Variants in XK observed in about 807,000 individuals in gnomAD.
XK encodes X-linked Kx blood group antigen, Kell and VPS13A binding protein.
In XK, 2 loss-of-function variants were observed where a neutral mutation model predicts 14.0. The ratio of observed to expected loss-of-function variants is 0.14; its 90% CI spans 0.06 to 0.45. The LOEUF (loss-of-function observed/expected upper bound fraction) is 0.45. Among genes scored for constraint, XK ranks in the 20% least tolerant of loss-of-function variants. The pLI, the probability that XK is intolerant of heterozygous loss-of-function variation, is 0.98. For missense variants in XK, 235 were observed against 341.5 expected (o/e 0.69, Z 2.46); for synonymous variants, 149 against 147.5 (o/e 1.01, Z -0.08).
intron 1 of XK, among the ~76,000 whole-genome samples, chrX:37,688,731 C>T (rs1309031758): frequency 1.8e-5 from 2 of 111,301 alleles, no homozygotes; most frequent in Admixed American, 1.9e-4. Context: ...ATCATTGCTG[C>T]CATTTAAAGT....
At chrX:37,700,922 A>G (rs1927401285) in intron 2 of XK, among the ~76,000 whole-genome samples, 1 of 110,810 alleles carries the variant, frequency 9.0e-6, no homozygotes, top group African/African-American at 3.3e-5. Flanking sequence ...AAACATAAGG[A>G]AAAAATGCAA....
intron 2 of XK, among the ~76,000 whole-genome samples, chrX:37,699,088 A>G (rs1556443123): frequency 8.9e-6 from 1 of 112,807 alleles, no homozygotes; most frequent in Non-Finnish European, 1.9e-5. Context: ...AAGAGAGTGA[A>G]GAAACAAATG....
chrX:37,724,976 G>C (rs1340662307), intron 2 of XK, among the ~76,000 whole-genome samples: 2 of 111,685 alleles, frequency 1.8e-5, no homozygotes, highest in African/African-American at 6.5e-5. Flanking sequence ...TATTGGAATG[G>C]AATATCATTT....
chrX:37,711,423 T>A (rs1556446692), intron 2 of XK, among the ~76,000 whole-genome samples: 1 of 112,364 alleles, frequency 8.9e-6, no homozygotes, highest in Non-Finnish European at 1.9e-5. Flanking sequence ...TGATGAGAAG[T>A]GTGGGTAAGG....
At chrX:37,705,431 G>A (rs1449492255) in intron 2 of XK, among the ~76,000 whole-genome samples, 2 of 105,336 alleles carry the variant, frequency 1.9e-5, no homozygotes, top group Non-Finnish European at 3.9e-5. Context: ...CAGCCTGGGT[G>A]AAAGAGCGAG....
chrX:37,722,334 C>G (rs1350732214), intron 2 of XK, among the ~76,000 whole-genome samples: 1 of 110,625 alleles, frequency 9.0e-6, no homozygotes, highest in Non-Finnish European at 1.9e-5. Context: ...GATTCATACA[C>G]TAGGGGAAAA....
chrX:37,710,011 A>AG (rs1209396167), intron 2 of XK, among the ~76,000 whole-genome samples: 1 of 112,250 alleles, frequency 8.9e-6, no homozygotes, highest in Non-Finnish European at 1.9e-5. Flanking sequence ...GAAATTCTTA[A>AG]GTGATTTGAG....
At chrX:37,701,212 GA>G in intron 2 of XK, among the ~76,000 whole-genome samples, 1 of 112,356 alleles carries the variant, frequency 8.9e-6, no homozygotes. Flanking sequence ...CGCATTCCCA[GA>G]AAAAATAATC....
At chrX:37,710,219 C>A (rs1927636714) in intron 2 of XK, among the ~76,000 whole-genome samples, 3 of 111,531 alleles carry the variant, frequency 2.7e-5, no homozygotes, top group African/African-American at 9.8e-5. Context: ...AAAACAGAAA[C>A]ACAAAATTTG....
At chrX:37,720,634 T>TAA (rs1927852150) in intron 2 of XK, among the ~76,000 whole-genome samples, 3 of 110,913 alleles carry the variant, frequency 2.7e-5, no homozygotes, top group Non-Finnish European at 5.7e-5. Flanking sequence ...TAATGTACAT[T>TAA]GTACATTAAG....
In XK at chrX:37,730,065, A is replaced by G. The variant is rs1928056279; in HGVS notation, c.*1603A>G. ...ATACATCAATAAGCTCCTAAATTATAGAGCCTCAATTTTGGTTTTTCTCAT... is the reference window on the plus strand; with the variant it reads ...ATACATCAATAAGCTCCTAAATTATGGAGCCTCAATTTTGGTTTTTCTCAT... On this transcript the variant is annotated 3_prime_UTR_variant, in exon 3 of 3. Coordinates refer to ENST00000378616, the MANE Select transcript of XK (RefSeq NM_021083.4). 2 of 111,909 alleles carry G rather than the reference A, an allele frequency of 1.8e-5. No homozygotes were observed. Among genetic ancestry groups the G allele is most frequent in the African/African-American group, 3.2e-5 (1 of 30,837 alleles). The allele number at this position is 111,909 out of a possible 1,213,427, so 9.2% of individuals were successfully genotyped here. A position where few individuals can be genotyped will look rare whatever the true frequency, so the allele number is the denominator to read the frequency against.
intron 2 of XK, 138 bp downstream of exon 2, chrX:37,694,686 C>T: frequency 1.1e-6 from 1 of 941,047 alleles, no homozygotes; most frequent in Non-Finnish European, 1.5e-6. Flanking sequence ...ATGCTCAAAA[C>T]TCAATTAAAA....
chrX:37,703,863 A>G lies in XK; in HGVS notation c.508+9315A>G, dbSNP rs183631967. Among the ~76,000 whole-genome samples the G allele has an allele frequency of 2.0e-3, 222 of 112,559 alleles. 2 individuals carry two copies. Among genetic ancestry groups the G allele is most frequent in the African/African-American group, 6.8e-3 (212 of 31,028 alleles). On this transcript the variant is annotated intron_variant, in intron 2 of 2. Transcript: ENST00000378616. ...TTTCTTGGGAAGCACTCAATAACTC[A>G]CTCCCAAGAATATTCACTTGTGCTT...
intron 2 of XK, among the ~76,000 whole-genome samples, chrX:37,711,096 A>G (rs886280704): frequency 8.9e-6 from 1 of 112,122 alleles, no homozygotes; most frequent in South Asian, 3.7e-4. Flanking sequence ...GTTTAAATCC[A>G]TGGATGTGTT....
chrX:37,712,640 T>C (rs149984024), intron 2 of XK, among the ~76,000 whole-genome samples: 263 of 111,838 alleles, frequency 2.4e-3, no homozygotes, highest in Non-Finnish European at 2.4e-3. Flanking sequence ...TGAGTGTAAG[T>C]TTTTGTTGCA....
chrX:37,724,806 AAAAC>A (rs782796957), intron 2 of XK, among the ~76,000 whole-genome samples: 183 of 111,167 alleles, frequency 1.6e-3, no homozygotes, highest in African/African-American at 5.0e-3. Context: ...CAACAATAAG[AAAAC>A]AAACAATCAA....
At chrX:37,718,082 A>G (rs1364494185) in intron 2 of XK, among the ~76,000 whole-genome samples, 1 of 111,784 alleles carries the variant, frequency 8.9e-6, no homozygotes, top group Non-Finnish European at 1.9e-5. Context: ...ACATATTATT[A>G]TTGAAGTATA....
Position 37,714,590 on chromosome X carries a change from T to C in XK, c.509-13046T>C, listed in dbSNP as rs1306348521. ...TTATGGTGAGAGGTTACTTCCTCCC[T>C]TCCAGAAGCCACTTAAAATAGAATT... On this transcript the variant is annotated intron_variant, in intron 2 of 2. Coordinates refer to ENST00000378616, the MANE Select transcript of XK (RefSeq NM_021083.4). 6.3e-5 allele frequency among the ~76,000 whole-genome samples: 7 copies of C among 111,101 alleles called. No individual in the cohort carries two copies. In the East Asian group the frequency reaches 2.0e-3, roughly 32 times the overall value.
chrX:37,716,798 T>TTTTGTTTG (rs782086867), intron 2 of XK, among the ~76,000 whole-genome samples: 1 of 111,788 alleles, frequency 8.9e-6, no homozygotes, highest in African/African-American at 3.3e-5. Flanking sequence ...GGAAGAGTTT[T>TTTTGTTTG]TTTGTTTGTT....
Sources: allele counts gnomAD v4.1 joint callset (sites outside exome capture counted in the v4.1 genomes callset), GRCh38; gene constraint gnomAD v4.1.1; transcripts MANE v1.5; gene names NCBI Gene and HGNC (gene_info 2026-07-23, HGNC 2026-07-21).